DLGAP4: variants seen among roughly 807,000 people sequenced by gnomAD.
DLGAP4 encodes the protein disks large-associated protein 4.
DLGAP4 carries 18 observed loss-of-function variants against 86.9 expected under a neutral mutation model. The observed-to-expected ratio is 0.21, with a 90% CI of 0.14 to 0.31. The LOEUF (loss-of-function observed/expected upper bound fraction) is 0.31. DLGAP4 is among the 10% of genes least tolerant of loss of function. DLGAP4 has a pLI of 1.00. For missense variants in DLGAP4, 1,085 were observed against 1,362.6 expected, an observed-to-expected ratio of 0.80 and a Z score of 3.21; for synonymous variants, 548 against 574.3, an observed-to-expected ratio of 0.95 and a Z score of 0.65.
intron 1 of DLGAP4, among the ~76,000 whole-genome samples, chr20:36,321,301 G>A (rs1353072328): frequency 6.6e-6 from 1 of 152,266 alleles, no homozygotes; most frequent in Non-Finnish European, 1.5e-5. Context: ...GGCTGCACAT[G>A]GGAGAATAGG....
intron 1 of DLGAP4, among the ~76,000 whole-genome samples, chr20:36,313,039 G>A (rs1600390727): frequency 6.6e-6 from 1 of 152,102 alleles, no homozygotes; most frequent in African/African-American, 2.4e-5. Context: ...GTGACTTCAG[G>A]GATGAAACGA....
intron 2 of DLGAP4, among the ~76,000 whole-genome samples, chr20:36,379,392 A>C (rs2031287929): frequency 1.3e-5 from 2 of 152,218 alleles, no homozygotes; most frequent in Non-Finnish European, 1.5e-5. Flanking sequence ...TCTGCCGCAC[A>C]TGCTGTTGGA....
intron 7 of DLGAP4, among the ~76,000 whole-genome samples, chr20:36,467,063 T>TCTCC (rs1569509700): frequency 2.8e-4 from 11 of 39,372 alleles, no homozygotes; most frequent in East Asian, 2.7e-3. Context: ...TCTCTCTCTC[T>TCTCC]CCCCCCCCCT....
chr20:36,313,169 TC>T (rs2065068047), intron 1 of DLGAP4, among the ~76,000 whole-genome samples: 1 of 151,964 alleles, frequency 6.6e-6, no homozygotes, highest in Non-Finnish European at 1.5e-5. Context: ...AGCCTTTCCT[TC>T]CCCCACTGCA....
intron 1 of DLGAP4, among the ~76,000 whole-genome samples, chr20:36,334,233 C>T (rs1168621869): frequency 6.6e-6 from 1 of 152,196 alleles, no homozygotes; most frequent in Non-Finnish European, 1.5e-5. Flanking sequence ...GGGGGTTGGT[C>T]TGCAGGGCCT....
chr20:36,435,663 C>T (rs866835737), intron 3 of DLGAP4, among the ~76,000 whole-genome samples: 1 of 152,228 alleles, frequency 6.6e-6, no homozygotes, highest in Non-Finnish European at 1.5e-5. Flanking sequence ...GTGCCAGGGT[C>T]GTCTGATCCC....
At chr20:36,464,610 G>T (rs1394764595) in intron 7 of DLGAP4, among the ~76,000 whole-genome samples, 1 of 152,138 alleles carries the variant, frequency 6.6e-6, no homozygotes, top group Admixed American at 6.6e-5. Context: ...AACACTTTGG[G>T]AGGCCGAGGC....
intron 1 of DLGAP4, among the ~76,000 whole-genome samples, chr20:36,333,365 C>T (rs1468484517): frequency 9.2e-5 from 14 of 152,084 alleles, no homozygotes; most frequent in Admixed American, 9.2e-4. Flanking sequence ...TCCCTGAGCA[C>T]CTCACTCCGT....
At chr20:36,385,134 G>T (rs545231543) in intron 2 of DLGAP4, among the ~76,000 whole-genome samples, 3 of 152,120 alleles carry the variant, frequency 2.0e-5, no homozygotes, top group African/African-American at 7.2e-5. Flanking sequence ...TCCTCTCCTA[G>T]GAATATGGCA....
Position 36,439,768 on chromosome 20 carries a change from T to C in DLGAP4, c.1256T>C (p.Leu419Pro), listed in dbSNP as rs1352909426. 6.2e-7 allele frequency: 1 copy of C among 1,613,446 alleles called. No individual in the cohort carries two copies. The highest frequency in any genetic ancestry group is 8.5e-7 in the Non-Finnish European group (1 of 1,179,886). The change falls in exon 5 of 13, where the codon CTG becomes CCG. Residue 419 changes from leucine (L) to proline (P), a missense_variant. Physicochemically the swap from Leu to Pro is moderately conservative, Grantham distance 98 (BLOSUM62 -3). Coordinates refer to ENST00000339266, the MANE Select transcript of DLGAP4 (RefSeq NM_001365621.2). ...CTCCCCACCAGGAGTCTGGACCGCC[T>C]GGATTCAGTGGACATGCTGCTGCCC... ...QSNPRRSLDR[L>P]DSVDMLLPSK...
At chr20:36,339,296 C>T (rs1555892305) in intron 1 of DLGAP4, among the ~76,000 whole-genome samples, 1 of 152,126 alleles carries the variant, frequency 6.6e-6, no homozygotes, top group Non-Finnish European at 1.5e-5. Context: ...CCATGTTGGC[C>T]AGGCTGGTCC....
At chr20:36,518,380 G>A (rs1273007036) in intron 10 of DLGAP4, among the ~76,000 whole-genome samples, 1 of 151,946 alleles carries the variant, frequency 6.6e-6, no homozygotes, top group Non-Finnish European at 1.5e-5. Context: ...GACAGGGTTT[G>A]TTAATTTTAT....
chr20:36,323,804 C>A (rs1265747745), intron 1 of DLGAP4, among the ~76,000 whole-genome samples: 1 of 152,186 alleles, frequency 6.6e-6, no homozygotes, highest in Admixed American at 6.5e-5. Flanking sequence ...CTAGATCCCC[C>A]GCATGCGTAG....
At chr20:36,324,393 C>T (rs2065197654) in intron 1 of DLGAP4, among the ~76,000 whole-genome samples, 1 of 152,166 alleles carries the variant, frequency 6.6e-6, no homozygotes, top group African/African-American at 2.4e-5. Context: ...CACCACTGTA[C>T]TCCAGCCTGG....
At position 36,353,544 on chromosome 20, in the gene DLGAP4, T is replaced by C. The variant is rs181056400; in HGVS notation, c.-303-13501T>C. Among the ~76,000 whole-genome samples, 4 of 152,346 alleles carry C rather than the reference T, an allele frequency of 2.6e-5. No individual in the cohort carries two copies. In the East Asian group the frequency reaches 7.7e-4, roughly 29 times the overall value. ...TTTCACCATGAAGGGCAGAAGCATT[T>C]CTTGTAAGCACCTGGTTACAAACTC... On this transcript the variant is annotated intron_variant, in intron 1 of 12. Transcript: ENST00000339266.
intron 2 of DLGAP4, among the ~76,000 whole-genome samples, chr20:36,410,785 A>G (rs1380684174): frequency 2.6e-5 from 4 of 151,954 alleles, no homozygotes; most frequent in Admixed American, 2.6e-4. Flanking sequence ...ACCAAACCCC[A>G]CCTCCAACAC....
intron 10 of DLGAP4, among the ~76,000 whole-genome samples, chr20:36,517,467 G>A (rs949361615): frequency 1.3e-5 from 2 of 151,916 alleles, no homozygotes; most frequent in African/African-American, 4.8e-5. Context: ...AGGTTTCAAC[G>A]TGTTGGCCAG....
chr20:36,351,269 C>T (rs1169282903), intron 1 of DLGAP4, among the ~76,000 whole-genome samples: 4 of 152,176 alleles, frequency 2.6e-5, no homozygotes, highest in Admixed American at 6.5e-5. Context: ...CAAGAGGGGT[C>T]CCCAACCCTT....
intron 2 of DLGAP4, among the ~76,000 whole-genome samples, chr20:36,385,043 C>T (rs1474508376): frequency 6.6e-6 from 1 of 152,194 alleles, no homozygotes; most frequent in South Asian, 2.1e-4. Context: ...CTGGTCCAGC[C>T]CAGAGAAGGG....
Sources: gnomAD v4.1 joint callset for allele counts (sites outside exome capture counted in the v4.1 genomes callset) on GRCh38, gnomAD v4.1.1 for gene constraint, MANE v1.5 for transcripts, NCBI Gene and HGNC (gene_info 2026-07-23, HGNC 2026-07-21) for gene names.